The following ZFHX3 variants were observed in gnomAD, a reference collection of about 807,000 sequenced individuals.
ZFHX3 encodes zinc finger homeobox protein 3.
Under a neutral mutation model 279.1 loss-of-function variants are expected in ZFHX3, and 42 were observed. That is an observed-to-expected ratio of 0.15 (90% CI 0.12 to 0.19). The LOEUF is 0.19. Among genes scored for constraint, ZFHX3 ranks in the 10% least tolerant of loss-of-function variants. The pLI is 1.00. For synonymous variants in ZFHX3, 2,293 were observed against 1,957.8 expected, an observed-to-expected ratio of 1.17 and a Z score of -4.52; for missense variants, 4,981 against 4,754.0, an observed-to-expected ratio of 1.05 and a Z score of -1.40.
chr16:72,895,479 T>C (rs1468310602), intron 3 of ZFHX3, among the ~76,000 whole-genome samples: 1 of 152,190 alleles, frequency 6.6e-6, no homozygotes, highest in Non-Finnish European at 1.5e-5. Context: ...ACCTTAAATC[T>C]GACTATACTT....
intron 4 of ZFHX3, among the ~76,000 whole-genome samples, chr16:73,308,120 G>T (rs1297512539): frequency 6.6e-6 from 1 of 151,510 alleles, no homozygotes; most frequent in South Asian, 2.1e-4. Context: ...GAAAATACTT[G>T]TCGGAGAGAT....
At chr16:72,889,669 G>A in intron 4 of ZFHX3, 62 bp downstream of exon 4, 2 of 1,516,374 alleles carry the variant, frequency 1.3e-6, no homozygotes, top group East Asian at 2.3e-5. Flanking sequence ...GTCCTCTGGA[G>A]GTCTCAAGGA....
intron 4 of ZFHX3, among the ~76,000 whole-genome samples, chr16:73,273,374 T>C (rs2014204493): frequency 6.6e-6 from 1 of 152,196 alleles, no homozygotes; most frequent in South Asian, 2.1e-4. Context: ...TTTCCTCATG[T>C]GGCTAGAAAA....
intron 2 of ZFHX3, among the ~76,000 whole-genome samples, chr16:73,668,386 A>G (rs2052867318): frequency 6.6e-6 from 1 of 151,974 alleles, no homozygotes; most frequent in South Asian, 2.1e-4. Context: ...TACATGGGCC[A>G]TGGTGGTTGG....
At chr16:73,364,126 T>C (rs2143320347) in intron 3 of ZFHX3, among the ~76,000 whole-genome samples, 1 of 151,412 alleles carries the variant, frequency 6.6e-6, no homozygotes, top group East Asian at 1.9e-4. Context: ...TGAGCCGAAA[T>C]GGTACCACTG....
At chr16:73,010,738 G>A (rs764277192) in intron 1 of ZFHX3, among the ~76,000 whole-genome samples, 12 of 152,140 alleles carry the variant, frequency 7.9e-5, no homozygotes, top group East Asian at 3.9e-4. Flanking sequence ...TTGGGCACAC[G>A]AGTTCTACTC....
intron 2 of ZFHX3, among the ~76,000 whole-genome samples, chr16:73,503,701 G>C (rs569888997): frequency 6.6e-6 from 1 of 152,272 alleles, no homozygotes; most frequent in South Asian, 2.1e-4. Context: ...GCATATCTAC[G>C]CAAAACATTT....
intron 3 of ZFHX3, chr16:73,420,352 T>C (rs1187710720): frequency 6.6e-6 from 1 of 152,226 alleles, no homozygotes; most frequent in South Asian, 2.1e-4. Flanking sequence ...TATCTAATGG[T>C]TTTATTTCAG....
At chr16:73,801,893 C>T (rs1033605309) in intron 1 of ZFHX3, among the ~76,000 whole-genome samples, 32 of 152,188 alleles carry the variant, frequency 2.1e-4, no homozygotes, top group African/African-American at 6.3e-4. Flanking sequence ...TGCCTGAGTT[C>T]CTTGCAGCTC....
chr16:73,745,828 G>C (rs2053698729), intron 1 of ZFHX3, among the ~76,000 whole-genome samples: 1 of 152,058 alleles, frequency 6.6e-6, no homozygotes, highest in African/African-American at 2.4e-5. Flanking sequence ...GACAATTCAG[G>C]CTTGGCCTAA....
chr16:73,635,971 G>T (rs889947454), intron 2 of ZFHX3, among the ~76,000 whole-genome samples: 4 of 152,100 alleles, frequency 2.6e-5, no homozygotes, highest in African/African-American at 9.7e-5. Context: ...TGTTGATAGG[G>T]TTAGTCATTT....
intron 5 of ZFHX3, among the ~76,000 whole-genome samples, chr16:73,243,731 T>C (rs928063946): frequency 8.6e-5 from 13 of 150,436 alleles, no homozygotes; most frequent in African/African-American, 3.0e-4. Flanking sequence ...TACACATAAG[T>C]ATCCAACACG....
At chr16:73,710,607 T>G (rs984499631) in intron 1 of ZFHX3, among the ~76,000 whole-genome samples, 1 of 152,064 alleles carries the variant, frequency 6.6e-6, no homozygotes, top group Non-Finnish European at 1.5e-5. Flanking sequence ...CTCCATGGAA[T>G]GTAGAGAGAG....
chr16:73,518,734 C>T (rs1024610621), intron 2 of ZFHX3, among the ~76,000 whole-genome samples: 1 of 152,212 alleles, frequency 6.6e-6, no homozygotes, highest in African/African-American at 2.4e-5. Flanking sequence ...CATAAATTAT[C>T]CTTCGGCTGC....
At chr16:73,680,115 G>C (rs1356005860) in intron 2 of ZFHX3, 1 of 152,116 alleles carries the variant, frequency 6.6e-6, no homozygotes, top group East Asian at 1.9e-4. Context: ...GAATGAAACA[G>C]AGCACTCTGA....
At chr16:73,069,089 G>T (rs959463899) in intron 8 of ZFHX3, among the ~76,000 whole-genome samples, 1 of 152,234 alleles carries the variant, frequency 6.6e-6, no homozygotes, top group Non-Finnish European at 1.5e-5. Context: ...GTATGAGTGT[G>T]TGTAACTGGG....
intron 1 of ZFHX3, among the ~76,000 whole-genome samples, chr16:73,010,024 G>GAAAAAAAAAAAA (rs10709712): frequency 1.7e-4 from 14 of 84,636 alleles, no homozygotes; most frequent in Admixed American, 2.7e-4. Context: ...CCCTCTCAAA[G>GAAAAAAAAAAAA]AAAAAAAAAA....
In ZFHX3 at chr16:73,055,687, C is replaced by A. The variant is rs1410368450; in HGVS notation, c.-24+2843G>T. The stretch of plus-strand genomic sequence containing the variant: ...CACACGGTGCAGACGTACGCGCGCG[C>A]GCGCGCGCGCGCACACACACACACA... On this transcript the variant is annotated intron_variant, in intron 1 of 8. Coordinates refer to the ZFHX3 transcript ENST00000397992. 2.4e-4 allele frequency among the ~76,000 whole-genome samples: 29 copies of A among 121,732 alleles called. No individual in the cohort carries two copies. The East Asian group carries it at 6.5e-3, about 27-fold the overall frequency. 79.9% of individuals were successfully genotyped at this position (121,732 alleles called of 152,430 possible). A position where few individuals can be genotyped will look rare whatever the true frequency, so the allele number is the denominator to read the frequency against.
At chr16:73,848,522 A>G (rs888998227) in intron 1 of ZFHX3, among the ~76,000 whole-genome samples, 2 of 152,208 alleles carry the variant, frequency 1.3e-5, no homozygotes, top group African/African-American at 4.8e-5. Context: ...AGAAACTCTC[A>G]AGGCCACATA....
Sources: gnomAD v4.1 joint callset for allele counts (sites outside exome capture counted in the v4.1 genomes callset) on GRCh38, gnomAD v4.1.1 for gene constraint, MANE v1.5 for transcripts, NCBI Gene and HGNC (gene_info 2026-07-23, HGNC 2026-07-21) for gene names.